Variants in LPIN1 observed in about 807,000 individuals in gnomAD.
LPIN1 encodes the protein lipin 1.
A neutral mutation model predicts 107.5 loss-of-function variants in LPIN1; 71 were observed. The ratio of observed to expected loss-of-function variants is 0.66; its 90% CI spans 0.55 to 0.80. The LOEUF (loss-of-function observed/expected upper bound fraction) is 0.80. LPIN1 is among the 30% of genes least tolerant of loss of function. The probability of loss-of-function intolerance (pLI) is 0.00; values close to 1 mark genes in which losing one functional copy is unlikely to be tolerated. For synonymous variants in LPIN1, 445 were observed against 452.6 expected (o/e 0.98, Z 0.21); for missense variants, 1,043 against 1,160.6 (o/e 0.90, Z 1.47).
intron 7 of LPIN1, among the ~76,000 whole-genome samples, chr2:11,780,699 G>C (rs191080100): frequency 2.8e-4 from 43 of 152,272 alleles, no homozygotes; most frequent in African/African-American, 1.0e-3. Flanking sequence ...AGGTGACCTT[G>C]GGCAAATGAG....
chr2:11,678,657 C>T (rs1661552055), intron 1 of LPIN1, among the ~76,000 whole-genome samples: 4 of 152,232 alleles, frequency 2.6e-5, no homozygotes, highest in Admixed American at 6.5e-5. Flanking sequence ...GCTCCATCCT[C>T]AGGGCAGTGC....
In LPIN1 at chr2:11,782,400, C is replaced by A. The variant is rs752802651; in HGVS notation, c.1157C>A (p.Thr386Asn). 20 of 1,614,190 alleles carry A rather than the reference C, an allele frequency of 1.2e-5. No homozygotes were observed. The highest frequency in any genetic ancestry group is 1.5e-5 in the Non-Finnish European group (18 of 1,180,044). Residue 386 changes from threonine (T) to asparagine (N), a missense_variant, in exon 8 of 21, where the codon ACC becomes AAC. Coordinates refer to ENST00000674199, the MANE Select transcript of LPIN1 (RefSeq NM_001349206.2). ...MQFVNEEDLETLGAAAPLLPM... is the reference protein window; with the variant it reads ...MQFVNEEDLENLGAAAPLLPM... ...TTTGTGAATGAAGAAGACCTGGAGA[C>A]CTTAGGAGCAGCAGCGCCACTCTTG... is the stretch of plus-strand genomic sequence containing the variant.
chr2:11,734,786 A>G (rs754178930), intron 1 of LPIN1, among the ~76,000 whole-genome samples: 1 of 152,212 alleles, frequency 6.6e-6, no homozygotes. Flanking sequence ...AGGGACAGAG[A>G]AAGAATTTAC....
At chr2:11,712,244 G>T (rs1200869308) in intron 1 of LPIN1, among the ~76,000 whole-genome samples, 1 of 152,220 alleles carries the variant, frequency 6.6e-6, no homozygotes, top group Admixed American at 6.5e-5. Flanking sequence ...TTTTGAATAT[G>T]CTCTCTGCTC....
intron 1 of LPIN1, among the ~76,000 whole-genome samples, chr2:11,749,940 G>C (rs906248189): frequency 6.6e-6 from 1 of 152,266 alleles, no homozygotes; most frequent in Non-Finnish European, 1.5e-5. Flanking sequence ...TAGGCTGTTA[G>C]AACAGGCACT....
chr2:11,746,864 G>C (rs762726528), intron 1 of LPIN1, among the ~76,000 whole-genome samples, 193 bp downstream of exon 1: 14 of 152,126 alleles, frequency 9.2e-5, no homozygotes, highest in Non-Finnish European at 1.9e-4. Context: ...AGGGAGGCGG[G>C]GAAACAGGCC....
chr2:11,710,552 T>C (rs1663354779), intron 1 of LPIN1, among the ~76,000 whole-genome samples: 1 of 152,194 alleles, frequency 6.6e-6, no homozygotes, highest in African/African-American at 2.4e-5. Context: ...CCTTGAATCT[T>C]CCACTTCATG....
At chr2:11,750,354 G>T (rs1490618751) in intron 1 of LPIN1, among the ~76,000 whole-genome samples, 1 of 152,258 alleles carries the variant, frequency 6.6e-6, no homozygotes, top group Non-Finnish European at 1.5e-5. Context: ...CAGTCTCGGG[G>T]TGGCCTCTTT....
At chr2:11,790,865 T>G (rs1461785267) in intron 12 of LPIN1, among the ~76,000 whole-genome samples, 2 of 152,260 alleles carry the variant, frequency 1.3e-5, no homozygotes, top group Non-Finnish European at 2.9e-5. Flanking sequence ...ACTACTCTTC[T>G]GCCTGAGAAT....
At chr2:11,738,876 C>A (rs368283438) in intron 1 of LPIN1, among the ~76,000 whole-genome samples, 1 of 152,168 alleles carries the variant, frequency 6.6e-6, no homozygotes, top group Non-Finnish European at 1.5e-5. Context: ...AGGAAACCAC[C>A]AAGGAAGGAG....
chr2:11,747,080 C>G (rs1163005032), intron 1 of LPIN1, among the ~76,000 whole-genome samples: 2 of 152,346 alleles, frequency 1.3e-5, no homozygotes, highest in Admixed American at 6.5e-5. Context: ...AGCTTTGCGC[C>G]GGGGACTGGG....
chr2:11,705,496 C>T (rs185957278), intron 1 of LPIN1, among the ~76,000 whole-genome samples: 9 of 152,274 alleles, frequency 5.9e-5, no homozygotes, highest in African/African-American at 2.2e-4. Flanking sequence ...AAGGTGCAGT[C>T]AGGATGTGAG....
chr2:11,746,535 C>A, upstream of LPIN1: 1 of 427,556 alleles, frequency 2.3e-6, no homozygotes, highest in Non-Finnish European at 3.1e-6. Flanking sequence ...GTCCCGAGTC[C>A]CCCTCGCACC....
chr2:11,811,055 A>G (rs1433038943), intron 17 of LPIN1, among the ~76,000 whole-genome samples: 2 of 151,960 alleles, frequency 1.3e-5, no homozygotes, highest in African/African-American at 2.4e-5. Context: ...TTATCCACTG[A>G]CACCTCCTAT....
intron 10 of LPIN1, among the ~76,000 whole-genome samples, chr2:11,785,430 T>G (rs114792136): frequency 0.016 from 2,481 of 151,496 alleles, 63 homozygotes; most frequent in African/African-American, 0.058. Flanking sequence ...AACAGGGAGG[T>G]CTGAGTTTGT....
At chr2:11,737,347 C>T (rs895647263) in intron 1 of LPIN1, among the ~76,000 whole-genome samples, 4 of 152,016 alleles carry the variant, frequency 2.6e-5, no homozygotes, top group African/African-American at 9.7e-5. Flanking sequence ...GAGTAAAACA[C>T]CAAAAGCAAT....
At chr2:11,726,870 G>T (rs949243987) in intron 1 of LPIN1, among the ~76,000 whole-genome samples, 2 of 152,080 alleles carry the variant, frequency 1.3e-5, no homozygotes, top group Non-Finnish European at 2.9e-5. Context: ...CTTTTGAAGC[G>T]TGCTTGTCAG....
At chr2:11,792,069 G>C in intron 13 of LPIN1, 63 bp downstream of exon 13, 1 of 1,347,630 alleles carries the variant, frequency 7.4e-7, no homozygotes, top group Non-Finnish European at 1.1e-6. Context: ...TAGTGAGATT[G>C]GTTTTCATGT....
chr2:11,705,910 T>C (rs1330539516), intron 1 of LPIN1, among the ~76,000 whole-genome samples: 1 of 152,178 alleles, frequency 6.6e-6, no homozygotes, highest in Non-Finnish European at 1.5e-5. Context: ...TTCCCATGTG[T>C]TGTGGGAGGA....
Sources: gnomAD v4.1 joint callset for allele counts (sites outside exome capture counted in the v4.1 genomes callset) on GRCh38, gnomAD v4.1.1 for gene constraint, MANE v1.5 for transcripts, NCBI Gene and HGNC (gene_info 2026-07-23, HGNC 2026-07-21) for gene names.